Variants in PREP observed in about 807,000 individuals in gnomAD.
PREP encodes dJ355L5.1 (prolyl endopeptidase).
PREP carries 29 observed loss-of-function variants against 87.6 expected under a neutral mutation model. The ratio of observed to expected loss-of-function variants is 0.33; its 90% CI spans 0.25 to 0.45. The LOEUF (loss-of-function observed/expected upper bound fraction) is 0.45, where lower values mean the gene tolerates loss of function less well. PREP is among the 20% of genes least tolerant of loss of function. PREP has a pLI of 1.00. For synonymous variants in PREP, 337 were observed against 328.6 expected (o/e 1.03, Z -0.28); for missense variants, 695 against 886.5 (o/e 0.78, Z 2.74).
chr6:105,363,891 G>A (rs1000800681), intron 6 of PREP, among the ~76,000 whole-genome samples: 10 of 152,108 alleles, frequency 6.6e-5, no homozygotes, highest in Non-Finnish European at 1.5e-4. Context: ...ACCCACATCA[G>A]GGAACAGCAA....
intron 6 of PREP, among the ~76,000 whole-genome samples, chr6:105,357,721 T>G (rs1405898878): frequency 6.6e-6 from 1 of 152,078 alleles, no homozygotes. Context: ...TCAAGGCAAT[T>G]TAAAAGATGA....
intron 10 of PREP, chr6:105,302,846 G>A (rs955461202): frequency 1.1e-5 from 4 of 348,606 alleles, no homozygotes; most frequent in African/African-American, 6.6e-5. Context: ...CGCCCCCGCC[G>A]CCTGCTCCGA....
chr6:105,352,060 C>A (rs111262538), intron 7 of PREP, among the ~76,000 whole-genome samples: 1 of 152,140 alleles, frequency 6.6e-6, no homozygotes, highest in Non-Finnish European at 1.5e-5. Context: ...CAATGTAACA[C>A]AGATTAGAAA....
chr6:105,318,435 A>G (rs979651759), intron 10 of PREP, among the ~76,000 whole-genome samples: 1 of 152,194 alleles, frequency 6.6e-6, no homozygotes, highest in African/African-American at 2.4e-5. Context: ...CAGCAACTAC[A>G]GACTTCAGCC....
rs766084516 is a variant in PREP at position 105,281,729 on chromosome 6, T to A, written c.1838+17A>T. The A allele has an allele frequency of 6.2e-7, 1 of 1,611,208 alleles. No individual in the cohort carries two copies. The highest frequency in any genetic ancestry group is 2.2e-5 in the East Asian group (1 of 44,854). ...TATCAAACCACTAACAACATATATA[T>A]GTCAATAAAACCTTACTTGACAAGC... On this transcript the variant is annotated intron_variant, in intron 14 of 14. Transcript: ENST00000652536.
At chr6:105,358,845 G>A (rs935797119) in intron 6 of PREP, among the ~76,000 whole-genome samples, 23 of 152,116 alleles carry the variant, frequency 1.5e-4, no homozygotes, top group African/African-American at 5.1e-4. Flanking sequence ...TATGCCATTC[G>A]TCATTGTAAA....
At chr6:105,339,821 G>A (rs1382241650) in intron 7 of PREP, among the ~76,000 whole-genome samples, 1 of 152,180 alleles carries the variant, frequency 6.6e-6, no homozygotes, top group Non-Finnish European at 1.5e-5. Context: ...AATGAAGCGA[G>A]AAGAAAAGTT....
At chr6:105,366,616 T>C (rs1377212782) in intron 6 of PREP, among the ~76,000 whole-genome samples, 1 of 152,250 alleles carries the variant, frequency 6.6e-6, no homozygotes, top group Admixed American at 6.5e-5. Context: ...ATGTGATATA[T>C]TTCCACTCTA....
intron 8 of PREP, 58 bp from the exon 9 acceptor site, chr6:105,329,084 T>C: frequency 1.4e-6 from 2 of 1,469,636 alleles, no homozygotes; most frequent in Non-Finnish European, 1.9e-6. Context: ...TGAAAACACA[T>C]TTAATTGAGC....
In PREP at chr6:105,383,986, A is replaced by G. The variant is rs1410881843; in HGVS notation, c.121-6467T>C. On this transcript the variant is annotated intron_variant, in intron 2 of 14. Coordinates refer to ENST00000652536, the MANE Select transcript of PREP (RefSeq NM_002726.5). ...GTATCAATGAGGAAATCCAAACTGT[A>G]ACAAGATTACTTAGAAAATACGAAG... Among the ~76,000 whole-genome samples, 3 of 152,324 alleles carry G rather than the reference A, an allele frequency of 2.0e-5. No homozygotes were observed. In the East Asian group the frequency reaches 5.8e-4, roughly 29 times the overall value.
chr6:105,343,787 C>A (rs146643077), intron 7 of PREP, among the ~76,000 whole-genome samples: 9,999 of 152,248 alleles, frequency 0.066, 400 homozygotes, highest in African/African-American at 0.1. Context: ...TCATCACTGG[C>A]CATCAGAGAA....
At chr6:105,335,248 T>C (rs891472528) in intron 7 of PREP, among the ~76,000 whole-genome samples, 4 of 152,236 alleles carry the variant, frequency 2.6e-5, no homozygotes, top group Non-Finnish European at 5.9e-5. Flanking sequence ...AAAAGTTCTA[T>C]GACTTCTAAA....
Position 105,278,299 on chromosome 6 carries a change from C to G in PREP, c.1978G>C (p.Val660Leu). The G allele has an allele frequency of 6.2e-7, 1 of 1,614,176 alleles. No individual in the cohort carries two copies. The highest frequency in any genetic ancestry group is 8.5e-7 in the Non-Finnish European group (1 of 1,180,036). Reference sequence around the variant, plus strand: ...TTGCTTTGCTTCCTGCTGCGGCCCACGATGTACTGAAGGGTGGCAATGAAC... The same window carrying G: ...TTGCTTTGCTTCCTGCTGCGGCCCAGGATGTACTGAAGGGTGGCAATGAAC... ...LKFIATLQYI[V>L]GRSRKQSNPL... Residue 660 changes from valine (V) to leucine (L), a missense_variant, in exon 15 of 15, where the codon GTG (valine) becomes CTG (leucine). Physicochemically the swap from Val to Leu is conservative, Grantham distance 32. Coordinates refer to ENST00000652536, the MANE Select transcript of PREP (RefSeq NM_002726.5). This position sits in a 1 kb window ranked among gnomAD's most constrained non-coding sequence, Gnocchi z 4.2.
chr6:105,396,896 T>C (rs1424169351), intron 2 of PREP, among the ~76,000 whole-genome samples: 5 of 151,982 alleles, frequency 3.3e-5, no homozygotes, highest in African/African-American at 1.2e-4. Flanking sequence ...AAAGTACACA[T>C]AAATGGGCTG....
chr6:105,339,957 G>A (rs1192982943), intron 7 of PREP, among the ~76,000 whole-genome samples: 1 of 152,184 alleles, frequency 6.6e-6, no homozygotes, highest in Non-Finnish European at 1.5e-5. Flanking sequence ...AACCAAGTTG[G>A]AAAACACTCT....
intron 5 of PREP, among the ~76,000 whole-genome samples, chr6:105,371,114 A>T (rs1470660811): frequency 6.6e-6 from 1 of 152,232 alleles, no homozygotes; most frequent in African/African-American, 2.4e-5. Context: ...TAAAATGAAT[A>T]TGTGGGGGCA....
intron 9 of PREP, among the ~76,000 whole-genome samples, chr6:105,326,981 A>C (rs922442828): frequency 2.6e-5 from 4 of 152,180 alleles, no homozygotes; most frequent in Non-Finnish European, 4.4e-5. Context: ...TTGGACAATA[A>C]GCCCTTTCTT....
At chr6:105,349,278 A>G (rs1448216532) in intron 7 of PREP, among the ~76,000 whole-genome samples, 1 of 152,218 alleles carries the variant, frequency 6.6e-6, no homozygotes, top group Non-Finnish European at 1.5e-5. Flanking sequence ...TTGTCCAAAG[A>G]GAGGCAGAGA....
chr6:105,393,228 C>T (rs1773202909), intron 2 of PREP, among the ~76,000 whole-genome samples: 1 of 152,146 alleles, frequency 6.6e-6, no homozygotes, highest in African/African-American at 2.4e-5. Context: ...TGAGAAACAT[C>T]TGTAGCTCTT....
Sources: gnomAD v4.1 joint callset for allele counts (sites outside exome capture counted in the v4.1 genomes callset) on GRCh38, gnomAD v4.1.1 for gene constraint, Gnocchi (gnomAD v3.1) non-coding constraint, MANE v1.5 for transcripts, NCBI Gene and HGNC (gene_info 2026-07-23, HGNC 2026-07-21) for gene names.